Variants in GRIN2A observed in about 807,000 individuals in gnomAD.
GRIN2A encodes the protein glutamate ionotropic receptor NMDA type subunit 2A.
A neutral mutation model predicts 113.4 loss-of-function variants in GRIN2A; 22 were observed. That is an observed-to-expected ratio of 0.19 (90% confidence interval 0.14 to 0.28). The LOEUF (loss-of-function observed/expected upper bound fraction) is 0.28. Ranked by LOEUF, GRIN2A falls within the 10% of genes least tolerant of loss-of-function variation. The pLI is 1.00. For synonymous variants in GRIN2A, 827 were observed against 738.4 expected, an observed-to-expected ratio of 1.12 and a Z score of -1.94; for missense variants, 1,502 against 1,887.0, an observed-to-expected ratio of 0.80 and a Z score of 3.78.
At chr16:9,922,197 A>C (rs1156734308) in intron 3 of GRIN2A, among the ~76,000 whole-genome samples, 1 of 152,174 alleles carries the variant, frequency 6.6e-6, no homozygotes, top group African/African-American at 2.4e-5. Context: ...CTTTGTACAA[A>C]GGAGAAAAAT....
chr16:9,813,803 G>T (rs10468229), intron 10 of GRIN2A, among the ~76,000 whole-genome samples: 44,043 of 151,920 alleles, frequency 0.29, 6,783 homozygotes, highest in African/African-American at 0.39. Flanking sequence ...TTTGCAGTGT[G>T]GGGGTGGATC....
At chr16:10,098,622 C>T (rs2048338612) in intron 2 of GRIN2A, among the ~76,000 whole-genome samples, 1 of 152,130 alleles carries the variant, frequency 6.6e-6, no homozygotes, top group African/African-American at 2.4e-5. Context: ...GAATAAAACT[C>T]AGCCTTAAAA....
intron 2 of GRIN2A, among the ~76,000 whole-genome samples, chr16:9,990,082 A>G (rs2046071241): frequency 6.6e-6 from 1 of 152,202 alleles, no homozygotes; most frequent in African/African-American, 2.4e-5. Context: ...CCCTGCACTC[A>G]TATGTTTATC....
intron 10 of GRIN2A, among the ~76,000 whole-genome samples, chr16:9,800,789 C>T (rs1596430286): frequency 6.6e-6 from 1 of 152,056 alleles, no homozygotes; most frequent in Non-Finnish European, 1.5e-5. Flanking sequence ...GCGATGGTAA[C>T]CTAGAGCTGT....
intron 4 of GRIN2A, among the ~76,000 whole-genome samples, chr16:9,883,797 G>A (rs2043534209): frequency 6.6e-6 from 1 of 152,148 alleles, no homozygotes; most frequent in Admixed American, 6.5e-5. Context: ...GTATTTCTGT[G>A]CAAAATGCAC....
intron 10 of GRIN2A, among the ~76,000 whole-genome samples, chr16:9,803,628 T>C (rs534234919): frequency 6.6e-6 from 1 of 152,350 alleles, no homozygotes; most frequent in South Asian, 2.1e-4. Context: ...CAGTTCTGCA[T>C]ACTTTATATG....
At chr16:9,973,879 C>T (rs2045723211) in intron 2 of GRIN2A, among the ~76,000 whole-genome samples, 2 of 152,098 alleles carry the variant, frequency 1.3e-5, no homozygotes, top group Admixed American at 1.3e-4. Flanking sequence ...TAAGAGAATT[C>T]ATTTCCAGCA....
intron 2 of GRIN2A, among the ~76,000 whole-genome samples, chr16:10,097,763 C>G (rs561155027): frequency 6.6e-6 from 1 of 152,288 alleles, no homozygotes; most frequent in East Asian, 1.9e-4. Context: ...AAAGTGGATC[C>G]TCATCTCTCA....
intron 2 of GRIN2A, among the ~76,000 whole-genome samples, chr16:10,174,066 A>G (rs1217516878): frequency 1.3e-5 from 2 of 152,240 alleles, no homozygotes; most frequent in African/African-American, 4.8e-5. Context: ...GGTTTCAAGT[A>G]GGAATCAAAG....
chr16:9,924,125 A>C (rs1029462236), intron 3 of GRIN2A, among the ~76,000 whole-genome samples: 30 of 151,056 alleles, frequency 2.0e-4, no homozygotes, highest in East Asian at 1.5e-3. Context: ...AAAAAAAAAA[A>C]AAAAAAAAAA....
At chr16:9,815,294 G>A (rs553769452) in intron 10 of GRIN2A, among the ~76,000 whole-genome samples, 2 of 150,858 alleles carry the variant, frequency 1.3e-5, no homozygotes, top group East Asian at 3.9e-4. Context: ...CACTATCAAT[G>A]TAATAGCTAG....
intron 2 of GRIN2A, among the ~76,000 whole-genome samples, chr16:10,137,490 C>A (rs1384993121): frequency 4.6e-5 from 7 of 152,300 alleles, no homozygotes. Flanking sequence ...CCTTCCTGCA[C>A]ACTATGGACA....
intron 2 of GRIN2A, among the ~76,000 whole-genome samples, chr16:10,101,526 C>T (rs1442889009): frequency 2.6e-5 from 4 of 152,022 alleles, no homozygotes; most frequent in Admixed American, 1.3e-4. Flanking sequence ...GTTGGGGCTT[C>T]GAGAAAGATT....
At chr16:10,007,999 T>C (rs1473324387) in intron 2 of GRIN2A, among the ~76,000 whole-genome samples, 3 of 152,208 alleles carry the variant, frequency 2.0e-5, no homozygotes, top group African/African-American at 7.2e-5. Flanking sequence ...ATTCTTTTTT[T>C]CACAGGGCTC....
intron 2 of GRIN2A, among the ~76,000 whole-genome samples, chr16:9,953,298 T>C (rs1170580548): frequency 6.6e-6 from 1 of 152,034 alleles, no homozygotes; most frequent in East Asian, 1.9e-4. Context: ...CTTACAAAAG[T>C]GGAGAACAGG....
chr16:9,792,127 A>C (rs766520458), intron 11 of GRIN2A, among the ~76,000 whole-genome samples: 16 of 149,828 alleles, frequency 1.1e-4, no homozygotes, highest in Non-Finnish European at 2.4e-4. Context: ...AATATTTAAC[A>C]TATGATTATA....
chr16:9,992,153 G>A (rs1390348948), intron 2 of GRIN2A, among the ~76,000 whole-genome samples: 1 of 152,158 alleles, frequency 6.6e-6, no homozygotes, highest in Non-Finnish European at 1.5e-5. Flanking sequence ...TGGCTCAGTA[G>A]TATTCCATGG....
At chr16:10,115,903 C>G (rs925330946) in intron 2 of GRIN2A, among the ~76,000 whole-genome samples, 5 of 152,108 alleles carry the variant, frequency 3.3e-5, no homozygotes, top group African/African-American at 1.2e-4. Flanking sequence ...TTGTGGAAGA[C>G]AGTGTAGTGA....
chr16:9,763,927 C>T lies in GRIN2A; in HGVS notation c.3617G>A (p.Arg1206Gln), dbSNP rs145861983. Residue 1206 changes from arginine to glutamine, a missense_variant, in exon 13 of 13, where the codon CGA (arginine) becomes CAA (glutamine). Physicochemically the swap from Arg to Gln is conservative, Grantham distance 43. This residue lies in a region of GRIN2A where 832 missense variants were observed against 789.7 expected (regional missense o/e 1.05). Transcript: ENST00000330684. ...GCAGTGCGTGGAGTTCTGCCGGTAT[C>T]GCTCGCTGGTCTCACTGTGCGGGGA... is the stretch of plus-strand genomic sequence containing the variant. The part of the protein sequence containing the change: ...KGSPHSETSE[R>Q]YRQNSTHCRS... 9.9e-6 allele frequency: 16 copies of T among 1,613,966 alleles called. No homozygotes were observed. The highest frequency in any genetic ancestry group is 5.5e-5 in the South Asian group (5 of 91,068).
Sources: allele counts gnomAD v4.1 joint callset (sites outside exome capture counted in the v4.1 genomes callset), GRCh38; gene constraint gnomAD v4.1.1; regional missense constraint gnomAD v4.1.1; transcripts MANE v1.5; gene names NCBI Gene and HGNC (gene_info 2026-07-23, HGNC 2026-07-21).